TBX19: variants seen among roughly 807,000 people sequenced by gnomAD.
TBX19 encodes T-box transcription factor TBX19.
Under a neutral mutation model 40.9 loss-of-function variants are expected in TBX19, and 33 were observed. That is an observed-to-expected ratio of 0.81 (90% CI 0.61 to 1.08). TBX19 has a LOEUF of 1.08. Among genes scored for constraint, TBX19 ranks in the 50% least tolerant of loss-of-function variants. The pLI, the probability that TBX19 is intolerant of heterozygous loss-of-function variation, is 0.00. For synonymous variants in TBX19, 220 were observed against 225.0 expected (o/e 0.98, Z 0.20); for missense variants, 494 against 574.0 (o/e 0.86, Z 1.42).
chr1:168,292,863 C>CAAA (rs751123603), intron 2 of TBX19, among the ~76,000 whole-genome samples: 9 of 32,844 alleles, frequency 2.7e-4, no homozygotes, highest in African/African-American at 7.3e-4. Context: ...GACTCCGTCT[C>CAAA]AAAAAAAAAA....
chr1:168,292,819 G>C (rs1012863394), intron 2 of TBX19, among the ~76,000 whole-genome samples: 5 of 145,142 alleles, frequency 3.4e-5, no homozygotes, highest in East Asian at 2.1e-4. Context: ...AGCTGAGATA[G>C]CGCCACTGCA....
chr1:168,293,881 T>A (rs1460636035), intron 3 of TBX19, among the ~76,000 whole-genome samples: 1 of 151,898 alleles, frequency 6.6e-6, no homozygotes, highest in South Asian at 2.1e-4. Flanking sequence ...CCAGGGAGGG[T>A]TGAATTCTTT....
chr1:168,305,508 A>G (rs933952485), intron 6 of TBX19, among the ~76,000 whole-genome samples: 10 of 152,198 alleles, frequency 6.6e-5, no homozygotes, highest in African/African-American at 2.4e-4. Context: ...TCTAAAAGCC[A>G]TGTCAAGTTG....
chr1:168,297,884 C>A, intron 4 of TBX19, 99 bp downstream of exon 4: 1 of 1,027,524 alleles, frequency 9.7e-7, no homozygotes, highest in Non-Finnish European at 1.5e-6. Flanking sequence ...ACTAGTAGCA[C>A]TTTCATTACC....
intron 4 of TBX19, among the ~76,000 whole-genome samples, chr1:168,300,208 T>TA (rs1649242767): frequency 6.6e-6 from 1 of 151,844 alleles, no homozygotes; most frequent in Non-Finnish European, 1.5e-5. Context: ...TAAAGAGGGG[T>TA]AAACAGTAAA....
rs780690061 is a variant in TBX19, at chr1:168,291,255, G to A, written c.299G>A (p.Arg100His). 4.3e-6 allele frequency: 7 copies of A among 1,614,080 alleles called. No homozygotes were observed. The highest frequency in any genetic ancestry group is 2.2e-5 in the East Asian group (1 of 44,894). The change falls in exon 2 of 8, where the codon CGC becomes CAC. Residue 100 changes from arginine (R) to histidine (H), a missense_variant. Physicochemically the swap from Arg to His is conservative, Grantham distance 29. Around this residue, in one of 3 missense-constraint regions of TBX19, gnomAD observed 201 missense variants for 235.2 expected, o/e 0.85. Transcript: ENST00000367821. ...LLDFVPTDSH[R>H]WKYVNGEWVP... The stretch of plus-strand genomic sequence containing the variant: ...GACTTTGTCCCTACGGACAGTCACC[G>A]CTGGAAGTACGTCAACGGGGAATGG...
At chr1:168,290,271 G>A (rs1283313390) in intron 1 of TBX19, among the ~76,000 whole-genome samples, 2 of 152,216 alleles carry the variant, frequency 1.3e-5, no homozygotes, top group African/African-American at 4.8e-5. Flanking sequence ...ATTTGTGAGA[G>A]TAAACTTGTT....
At chr1:168,301,026 G>A (rs1296450676) in intron 5 of TBX19, among the ~76,000 whole-genome samples, 1 of 152,230 alleles carries the variant, frequency 6.6e-6, no homozygotes, top group African/African-American at 2.4e-5. Context: ...CCATGTCCCA[G>A]GATGGTGGAG....
At chr1:168,290,032 A>G (rs1648899871) in intron 1 of TBX19, among the ~76,000 whole-genome samples, 1 of 152,150 alleles carries the variant, frequency 6.6e-6, no homozygotes. Flanking sequence ...TGTCTCTACT[A>G]AAAATCCAAA....
chr1:168,301,493 C>A (rs913938013), intron 5 of TBX19, among the ~76,000 whole-genome samples: 7 of 152,186 alleles, frequency 4.6e-5, no homozygotes, highest in Non-Finnish European at 8.8e-5. Flanking sequence ...GAACTCCTGA[C>A]CTTGTGATCC....
chr1:168,301,553 C>A (rs1335515735), intron 5 of TBX19, among the ~76,000 whole-genome samples: 3 of 152,030 alleles, frequency 2.0e-5, no homozygotes, highest in African/African-American at 7.2e-5. Context: ...GAGCCATTGC[C>A]CCCGGCCGAA....
At chr1:168,291,138 A>T in intron 1 of TBX19, 22 bp from the exon 2 acceptor site, 3 of 1,578,402 alleles carry the variant, frequency 1.9e-6, no homozygotes, top group African/African-American at 1.4e-5. Flanking sequence ...TCCTGTGGCT[A>T]AGTTTCTGCC....
chr1:168,300,817 GTC>G (rs1236089310), intron 5 of TBX19, among the ~76,000 whole-genome samples: 1 of 152,156 alleles, frequency 6.6e-6, no homozygotes, highest in East Asian at 1.9e-4. Context: ...TGCCACTCTG[GTC>G]TCTCTGTTTT....
Position 168,308,854 on chromosome 1 carries a change from C to A in TBX19, c.1029C>A (p.Asn343Lys). 2 of 1,614,114 alleles carry A rather than the reference C, an allele frequency of 1.2e-6. No individual in the cohort carries two copies. Among genetic ancestry groups the A allele is most frequent in the Non-Finnish European group, 1.7e-6 (2 of 1,180,020 alleles). ...GCATCCTGTCTGTACCCCACACCAA[C>A]GGACCAATCAATCCAGGGCCCAGGT... ...HASILSVPHTNGPINPGPSPY... is the reference protein window; with the variant it reads ...HASILSVPHTKGPINPGPSPY... Residue 343 changes from asparagine to lysine, a missense_variant, in exon 7 of 8, where the codon AAC (asparagine) becomes AAA (lysine). Physicochemically the swap from Asn to Lys is moderately conservative, Grantham distance 94. Around this residue, in one of 3 missense-constraint regions of TBX19, gnomAD observed 284 missense variants for 307.3 expected, o/e 0.92. Transcript: ENST00000367821.
chr1:168,302,535 A>G (rs1197541942), intron 5 of TBX19, among the ~76,000 whole-genome samples: 1 of 152,140 alleles, frequency 6.6e-6, no homozygotes, highest in Non-Finnish European at 1.5e-5. Context: ...TGCAGTACTA[A>G]GTCTCAGTCT....
intron 3 of TBX19, among the ~76,000 whole-genome samples, chr1:168,295,239 C>T (rs1282906163): frequency 1.3e-5 from 2 of 151,788 alleles, no homozygotes; most frequent in African/African-American, 2.4e-5. Flanking sequence ...TGCAGTGAGC[C>T]GAGATTGCGC....
intron 1 of TBX19, 75 bp downstream of exon 1, chr1:168,281,368 G>T: frequency 7.3e-7 from 1 of 1,379,260 alleles, no homozygotes; most frequent in Admixed American, 1.7e-5. Context: ...TATTGAAGAG[G>T]CTGCCGCTCT....
At position 168,313,176 on chromosome 1, in the gene TBX19, G is replaced by T. The variant is rs1649567678; in HGVS notation, c.*174G>T. The T allele has an allele frequency of 1.4e-6, 1 of 723,764 alleles. No individual in the cohort carries two copies. Among genetic ancestry groups the T allele is most frequent in the Non-Finnish European group, 2.3e-6 (1 of 437,016 alleles). 44.8% of individuals were successfully genotyped at this position (723,764 alleles called of 1,614,324 possible). A position where few individuals can be genotyped will look rare whatever the true frequency, so the allele number is the denominator to read the frequency against. Reference sequence around the variant, plus strand: ...AGAGGGTTCAGTTTGGATGATGCTAGTTAGATCATTTGCATCTCTCCACCA... The same window carrying T: ...AGAGGGTTCAGTTTGGATGATGCTATTTAGATCATTTGCATCTCTCCACCA... On this transcript the variant is annotated 3_prime_UTR_variant, in exon 8 of 8. Coordinates refer to ENST00000367821, the MANE Select transcript of TBX19 (RefSeq NM_005149.3).
intron 1 of TBX19, among the ~76,000 whole-genome samples, chr1:168,288,041 C>T (rs572766882): frequency 6.6e-6 from 1 of 152,118 alleles, no homozygotes; most frequent in Non-Finnish European, 1.5e-5. Flanking sequence ...TATTCACCTA[C>T]GCAAAGTCCT....
Sources: gnomAD v4.1 joint callset for allele counts (sites outside exome capture counted in the v4.1 genomes callset) on GRCh38, gnomAD v4.1.1 for gene constraint, gnomAD v4.1.1 regional missense constraint, MANE v1.5 for transcripts, NCBI Gene and HGNC (gene_info 2026-07-23, HGNC 2026-07-21) for gene names.